Variants in NBEA observed in about 807,000 individuals in gnomAD.
The protein encoded by NBEA is neurobeachin.
Under a neutral mutation model 343.4 loss-of-function variants are expected in NBEA, and 44 were observed. The ratio of observed to expected loss-of-function variants is 0.13; its 90% CI spans 0.10 to 0.16. NBEA has a LOEUF of 0.16. Among genes scored for constraint, NBEA ranks in the 10% least tolerant of loss-of-function variants. The pLI is 1.00. For synonymous variants in NBEA, 1,175 were observed against 1,238.7 expected (o/e 0.95, Z 1.08); for missense variants, 2,555 against 3,631.3 (o/e 0.70, Z 7.62).
At chr13:35,067,612 TC>T (rs2063702559) in intron 8 of NBEA, among the ~76,000 whole-genome samples, 2 of 152,130 alleles carry the variant, frequency 1.3e-5, no homozygotes, top group South Asian at 4.1e-4. Flanking sequence ...CTCATTCTCA[TC>T]CATCTCCTCC....
chr13:35,326,450 T>C, intron 36 of NBEA, among the ~76,000 whole-genome samples: 1 of 152,066 alleles, frequency 6.6e-6, no homozygotes, highest in East Asian at 1.9e-4. Flanking sequence ...ATGTTATTGG[T>C]GTGTAGAAAT....
chr13:35,242,253 A>T (rs1475170450), intron 34 of NBEA, among the ~76,000 whole-genome samples: 1 of 151,908 alleles, frequency 6.6e-6, no homozygotes, highest in Non-Finnish European at 1.5e-5. Context: ...TTTGAAGCTG[A>T]AAACCACAAA....
intron 48 of NBEA, among the ~76,000 whole-genome samples, chr13:35,627,584 GAAGA>G (rs760746449): frequency 6.6e-5 from 10 of 152,138 alleles, no homozygotes; most frequent in Non-Finnish European, 1.5e-4. Flanking sequence ...ATTCATAGTG[GAAGA>G]AAGATATTCC....
chr13:35,010,726 C>CAAA (rs769896169), intron 1 of NBEA, among the ~76,000 whole-genome samples: 174 of 9,692 alleles, frequency 0.018, 22 homozygotes, highest in Middle Eastern at 0.071. Context: ...TGGGTCTCTA[C>CAAA]AAAAAAAAAA....
intron 45 of NBEA, among the ~76,000 whole-genome samples, chr13:35,573,128 A>C (rs2080524893): frequency 6.6e-6 from 1 of 152,218 alleles, no homozygotes; most frequent in South Asian, 2.1e-4. Flanking sequence ...ACTATGTTGA[A>C]AATTGTTTTC....
chr13:35,289,355 A>G (rs1028646191), intron 34 of NBEA, among the ~76,000 whole-genome samples: 1 of 151,880 alleles, frequency 6.6e-6, no homozygotes, highest in Admixed American at 6.6e-5. Flanking sequence ...GGAAAAATCT[A>G]TTTATTAAAT....
chr13:35,466,799 C>T (rs1467954413), intron 40 of NBEA, among the ~76,000 whole-genome samples: 1 of 152,058 alleles, frequency 6.6e-6, no homozygotes, highest in Non-Finnish European at 1.5e-5. Flanking sequence ...TTTCAAAATA[C>T]CATTGCTCTG....
chr13:35,024,706 A>C (rs542889869), intron 1 of NBEA, among the ~76,000 whole-genome samples: 22 of 152,232 alleles, frequency 1.4e-4, no homozygotes, highest in Non-Finnish European at 2.8e-4. Flanking sequence ...AATAACATAA[A>C]ATAAAATAAA....
intron 47 of NBEA, among the ~76,000 whole-genome samples, chr13:35,604,060 G>A (rs1013290993): frequency 2.6e-5 from 4 of 152,088 alleles, no homozygotes; most frequent in East Asian, 1.9e-4. Context: ...TCCTGTCAGC[G>A]ATCAAACCAA....
intron 1 of NBEA, among the ~76,000 whole-genome samples, chr13:34,949,841 ATTTGTCTTTGTCT>A (rs2059296335): frequency 6.6e-6 from 1 of 152,062 alleles, no homozygotes; most frequent in Non-Finnish European, 1.5e-5. Context: ...AGATGCAGTA[ATTTGTCTTTGTCT>A]TTTTTCACCC....
intron 8 of NBEA, among the ~76,000 whole-genome samples, chr13:35,068,263 T>C (rs1329785875): frequency 6.6e-6 from 1 of 152,122 alleles, no homozygotes. Flanking sequence ...GACCAATCAA[T>C]GTTTTTCCAA....
chr13:35,529,174 A>G (rs2078132935), intron 41 of NBEA, among the ~76,000 whole-genome samples: 1 of 152,236 alleles, frequency 6.6e-6, no homozygotes, highest in Non-Finnish European at 1.5e-5. Context: ...ACAGGCTCAG[A>G]CAGGTTAAAT....
intron 36 of NBEA, among the ~76,000 whole-genome samples, chr13:35,325,362 A>G (rs1594224722): frequency 6.6e-6 from 1 of 152,044 alleles, no homozygotes; most frequent in East Asian, 1.9e-4. Context: ...GATATATAAG[A>G]TGTTTTGATA....
chr13:35,154,886 GA>G, intron 18 of NBEA, among the ~76,000 whole-genome samples: 1 of 152,162 alleles, frequency 6.6e-6, no homozygotes. Flanking sequence ...AGCACTTTGA[GA>G]AGCTGAAGCA....
intron 40 of NBEA, among the ~76,000 whole-genome samples, chr13:35,460,794 A>G (rs118050282): frequency 0.03 from 4,622 of 152,348 alleles, 110 homozygotes; most frequent in Non-Finnish European, 0.045. Context: ...TGTTGTTTAT[A>G]ACAGGATACC....
At chr13:35,265,237 CAAAT>C (rs1459905721) in intron 34 of NBEA, among the ~76,000 whole-genome samples, 1 of 151,704 alleles carries the variant, frequency 6.6e-6, no homozygotes, top group Non-Finnish European at 1.5e-5. Flanking sequence ...GCGGAAGACA[CAAAT>C]AATGAAAACC....
In NBEA at chr13:35,458,355, GCT is replaced by G. The variant is rs2046700158; in HGVS notation, c.6448+6121_6448+6122del. 3.3e-5 allele frequency among the ~76,000 whole-genome samples: 5 copies of G among 152,194 alleles called. No homozygotes were observed. The South Asian group carries it at 1.0e-3, about 32-fold the overall frequency. ...TTTCTCTGTCCTTTTAGACTAGATC[GCT>G]TAAAGACAGCATTCATATACTGTGT... On this transcript the variant is annotated intron_variant, in intron 40 of 58. Transcript: ENST00000379939.
Position 35,161,980 on chromosome 13 carries a change from C to T in NBEA, c.4079+13C>T, listed in dbSNP as rs780896835. On this transcript the variant is annotated intron_variant, in intron 23 of 58. Transcript: ENST00000379939. ...ATGTTTGGAGGAGGTAGAAATATTTCTTTTTTATAAATTAAAAGCAAATAT... is the reference window on the plus strand; with the variant it reads ...ATGTTTGGAGGAGGTAGAAATATTTTTTTTTTATAAATTAAAAGCAAATAT... 37 of 1,526,326 alleles carry T rather than the reference C, an allele frequency of 2.4e-5. No homozygotes were observed. Among genetic ancestry groups the T allele is most frequent in the Non-Finnish European group, 4.4e-6 (5 of 1,131,158 alleles). The allele number at this position is 1,526,326 out of a possible 1,614,324, so 94.5% of individuals were successfully genotyped here.
rs536808244 is a variant in NBEA, at chr13:34,996,967, A to T, written c.295-43966A>T. On this transcript the variant is annotated intron_variant, in intron 1 of 58. Coordinates refer to ENST00000379939, the MANE Select transcript of NBEA (RefSeq NM_001385012.1). ...ATGTCCTGTATTCAAAGTAGTGTGGAGGTAGGCAAGATCACTGGATTAGTC... is the reference window on the plus strand; with the variant it reads ...ATGTCCTGTATTCAAAGTAGTGTGGTGGTAGGCAAGATCACTGGATTAGTC... Among the ~76,000 whole-genome samples the T allele has an allele frequency of 5.3e-5, 8 of 152,264 alleles. No individual in the cohort carries two copies. The South Asian group carries it at 1.7e-3, about 32-fold the overall frequency.
Sources: allele counts gnomAD v4.1 joint callset (sites outside exome capture counted in the v4.1 genomes callset), GRCh38; gene constraint gnomAD v4.1.1; transcripts MANE v1.5; gene names NCBI Gene and HGNC (gene_info 2026-07-23, HGNC 2026-07-21).